POMGNT1: variants seen among roughly 807,000 people sequenced by gnomAD.
POMGNT1 encodes the protein protein O-linked-mannose beta-1,2-N-acetylglucosaminyltransferase 1.
In POMGNT1, 67 loss-of-function variants were observed where a neutral mutation model predicts 95.6. The ratio of observed to expected loss-of-function variants is 0.70; its 90% CI spans 0.58 to 0.86. The LOEUF (loss-of-function observed/expected upper bound fraction) is 0.86. Among genes scored for constraint, POMGNT1 ranks in the 40% least tolerant of loss-of-function variants. POMGNT1 has a pLI of 0.00. For synonymous variants in POMGNT1, 298 were observed against 317.9 expected, an observed-to-expected ratio of 0.94 and a Z score of 0.66; for missense variants, 719 against 855.2, an observed-to-expected ratio of 0.84 and a Z score of 1.99.
At position 46,189,041 on chromosome 1, in the gene POMGNT1, G is replaced by T; in HGVS notation, c.*229C>A. 6.4e-7 allele frequency: 1 copy of T among 1,559,016 alleles called. No individual in the cohort carries two copies. On this transcript the variant is annotated 3_prime_UTR_variant, in exon 22 of 22. Coordinates refer to ENST00000371984, the MANE Select transcript of POMGNT1 (RefSeq NM_017739.4). ...TGCTAGGGATCGTAATGATTCCCAG[G>T]TACTCTCCTGCCCTTCTCCAACAAG...
chr1:46,194,755 T>A, intron 7 of POMGNT1, 89 bp downstream of exon 7: 1 of 1,613,768 alleles, frequency 6.2e-7, no homozygotes, highest in Non-Finnish European at 8.5e-7. Context: ...CACTGGCTCC[T>A]ATTTGTTCCC....
rs764703384 is a variant in POMGNT1, at chr1:46,193,658, G to T, written c.951-19C>A. The T allele has an allele frequency of 6.2e-7, 1 of 1,613,912 alleles. No individual in the cohort carries two copies. Among genetic ancestry groups the T allele is most frequent in the Non-Finnish European group, 8.5e-7 (1 of 1,179,970 alleles). Reference sequence around the variant, plus strand: ...CAGCATCCTGGGGAGCCCAGGGATAGGTTAGGGTCACTTCATCACCCCTCA... The same window carrying T: ...CAGCATCCTGGGGAGCCCAGGGATATGTTAGGGTCACTTCATCACCCCTCA... On this transcript the variant is annotated intron_variant, in intron 10 of 21. Coordinates refer to ENST00000371984, the MANE Select transcript of POMGNT1 (RefSeq NM_017739.4).
rs764352357 is a variant in POMGNT1 at position 46,194,877 on chromosome 1, T to A, written c.619A>T (p.Arg207Trp). ...GSQAGPALGWRDTWAFVGRKG... is the reference protein window; with the variant it reads ...GSQAGPALGWWDTWAFVGRKG... ...CGTCCCACGAAGGCCCATGTGTCCCTCCAGCCCAGGGCAGGGCCAGCCTGG... is the reference window on the plus strand; with the variant it reads ...CGTCCCACGAAGGCCCATGTGTCCCACCAGCCCAGGGCAGGGCCAGCCTGG... The change falls in exon 7 of 22, where the codon AGG becomes TGG. Residue 207 changes from arginine (R) to tryptophan (W), a missense_variant. Transcript: ENST00000371984. 1.2e-6 allele frequency: 2 copies of A among 1,613,834 alleles called. No homozygotes were observed. Among genetic ancestry groups the A allele is most frequent in the African/African-American group, 2.7e-5 (2 of 74,858 alleles).
At chr1:46,214,112 G>A (rs1019182942) in intron 1 of POMGNT1, among the ~76,000 whole-genome samples, 12 of 152,098 alleles carry the variant, frequency 7.9e-5, no homozygotes, top group African/African-American at 2.9e-4. Flanking sequence ...TTGGAAGGCC[G>A]AGGCTGGATG....
chr1:46,204,593 G>T (rs1478677637), intron 1 of POMGNT1, among the ~76,000 whole-genome samples: 3 of 152,200 alleles, frequency 2.0e-5, no homozygotes, highest in Non-Finnish European at 4.4e-5. Flanking sequence ...GGAAATCATG[G>T]GGGCTCTGAG....
chr1:46,203,389 G>A, upstream of POMGNT1: 1 of 1,433,674 alleles, frequency 7.0e-7, no homozygotes, highest in Non-Finnish European at 9.2e-7. Flanking sequence ...CCGGTCCCCG[G>A]CGTCCGGTCG....
chr1:46,195,916 C>T lies in POMGNT1; in HGVS notation c.429G>A (p.Val143=). Residue 143 remains valine, a synonymous_variant, in exon 6 of 22, where the codon GTG becomes GTA. Transcript: ENST00000371984. ...ACGTGTCAAACACACGTTTTGCCAT[C>T]ACGTGGCCCTGGCAGGGGATATACT... ...VIVLNQATGH[V]MAKRVFDTYS... 1 of 1,614,128 alleles carries T rather than the reference C, an allele frequency of 6.2e-7. No homozygotes were observed. Among genetic ancestry groups the T allele is most frequent in the Non-Finnish European group, 8.5e-7 (1 of 1,179,996 alleles).
Position 46,192,156 on chromosome 1 carries a change from T to C in POMGNT1, c.1481A>G (p.Asp494Gly), listed in dbSNP as rs779702728. Residue 494 changes from aspartate to glycine, a missense_variant, in exon 17 of 22, where the codon GAC becomes GGC. Asp to Gly is a moderately conservative substitution (Grantham distance 94, BLOSUM62 -1). This residue lies in a region of POMGNT1 where 118 missense variants were observed against 153.6 expected (regional missense o/e 0.77). Coordinates refer to ENST00000371984, the MANE Select transcript of POMGNT1 (RefSeq NM_017739.4). ...QRRGRECIIP[D>G]VSRSYHFGIV... The stretch of plus-strand genomic sequence containing the variant: ...GCCAAAGTGGTAGGATCGGGAAACG[T>C]CAGGGATGATGCACTCTCGGCCCCG... The C allele has an allele frequency of 1.2e-6, 2 of 1,614,086 alleles. No individual in the cohort carries two copies. Among genetic ancestry groups the C allele is most frequent in the Non-Finnish European group, 1.7e-6 (2 of 1,179,976 alleles).
At chr1:46,212,495 A>C (rs1019587230) in intron 1 of POMGNT1, among the ~76,000 whole-genome samples, 8 of 151,752 alleles carry the variant, frequency 5.3e-5, no homozygotes, top group African/African-American at 1.9e-4. Flanking sequence ...GTTAGCCAGG[A>C]TGGTCTTGAT....
rs1435515414 is a variant in POMGNT1, at chr1:46,197,876, A to G, written c.-50-5T>C. The G allele has an allele frequency of 9.3e-6, 15 of 1,610,090 alleles. No homozygotes were observed. The East Asian group carries it at 3.3e-4, about 36-fold the overall frequency. ...CCAGCCCATGACTTCAGGAATCTGA[A>G]GGGACCAGAGGGCCACATGGGGTAA... On this transcript the variant is annotated splice_region_variant and splice_polypyrimidine_tract_variant and intron_variant, in intron 1 of 21. Transcript: ENST00000371984.
At chr1:46,217,679 A>T (rs1270708933) in intron 1 of POMGNT1, among the ~76,000 whole-genome samples, 2 of 152,122 alleles carry the variant, frequency 1.3e-5, no homozygotes, top group African/African-American at 4.8e-5. Flanking sequence ...TAACCTGGTG[A>T]TGCCCTGTCT....
exon 1 of POMGNT1, chr1:46,220,124 T>C: frequency 6.2e-7 from 1 of 1,614,180 alleles, no homozygotes; most frequent in South Asian, 1.1e-5. Context: ...GGCTTCAAGG[T>C]GGACCACCTG....
At chr1:46,219,662 C>T (rs769875005) in intron 1 of POMGNT1, 27 of 1,535,282 alleles carry the variant, frequency 1.8e-5, no homozygotes, top group Non-Finnish European at 2.3e-5. Flanking sequence ...AACCCATGCC[C>T]CAGAACTGGG....
intron 1 of POMGNT1, among the ~76,000 whole-genome samples, chr1:46,207,593 C>A (rs1398059764): frequency 6.6e-6 from 1 of 151,416 alleles, no homozygotes; most frequent in African/African-American, 2.4e-5. Context: ...GGCTGGAGTG[C>A]AGTGGTGCGA....
chr1:46,191,289 T>C, intron 17 of POMGNT1: 1 of 220,570 alleles, frequency 4.5e-6, no homozygotes, highest in Admixed American at 5.2e-5. Flanking sequence ...CTGGACGCTA[T>C]TCATTCCTTT....
rs149052756 is a variant in POMGNT1, at chr1:46,208,743, A to G, written c.-50-10872T>C. On this transcript the variant is annotated intron_variant, in intron 1 of 22. Transcript: ENST00000371992. ...GTAATCCCAGCTACTAGGGAAGCTG[A>G]GGCAGGAAAATCGCTTGAACCCTGG... 4.2e-3 allele frequency among the ~76,000 whole-genome samples: 633 copies of G among 152,270 alleles called. 3 individuals carry two copies. Among genetic ancestry groups the G allele is most frequent in the Middle Eastern group, 0.037 (11 of 294 alleles).
Position 46,192,913 on chromosome 1 carries a change from C to G in POMGNT1, c.1198G>C (p.Val400Leu), listed in dbSNP as rs749863346. ...GACTCCCCTCACCTGAAAAAATCCACAGCAATGTCCAGGTCCTCTTCCAGA... is the reference window on the plus strand; with the variant it reads ...GACTCCCCTCACCTGAAAAAATCCAGAGCAATGTCCAGGTCCTCTTCCAGA... ...VVLEEDLDIAVDFFSFLSQSI... is the reference protein window; with the variant it reads ...VVLEEDLDIALDFFSFLSQSI... The change falls in exon 14 of 22, where the codon GTG (valine) becomes CTG (leucine). Residue 400 changes from valine to leucine, a missense_variant. By Grantham distance (32) the Val-to-Leu change is conservative (BLOSUM62 1). Coordinates refer to ENST00000371984, the MANE Select transcript of POMGNT1 (RefSeq NM_017739.4). 106 of 1,614,090 alleles carry G rather than the reference C, an allele frequency of 6.6e-5. No homozygotes were observed. The highest frequency in any genetic ancestry group is 8.8e-5 in the Non-Finnish European group (104 of 1,180,036).
chr1:46,191,923 C>G, intron 17 of POMGNT1, 175 bp downstream of exon 17: 1 of 1,075,994 alleles, frequency 9.3e-7, no homozygotes. Context: ...CGTGAGCCAC[C>G]GCGCCCAGCC....
At chr1:46,214,250 G>T (rs1299212270) in intron 1 of POMGNT1, among the ~76,000 whole-genome samples, 1 of 151,790 alleles carries the variant, frequency 6.6e-6, no homozygotes, top group Non-Finnish European at 1.5e-5. Flanking sequence ...GAAGGTTGAG[G>T]CATGAGAATC....
Sources: allele counts gnomAD v4.1 joint callset (sites outside exome capture counted in the v4.1 genomes callset), GRCh38; gene constraint gnomAD v4.1.1; regional missense constraint gnomAD v4.1.1; transcripts MANE v1.5; gene names NCBI Gene and HGNC (gene_info 2026-07-23, HGNC 2026-07-21).